SPPL2B: variants seen among roughly 807,000 people sequenced by gnomAD.
SPPL2B encodes signal peptide peptidase like 2B.
A neutral mutation model predicts 59.7 loss-of-function variants in SPPL2B; 39 were observed. The ratio of observed to expected loss-of-function variants is 0.65; its 90% CI spans 0.51 to 0.85. The LOEUF is 0.85. SPPL2B is among the 40% of genes least tolerant of loss of function. The pLI, the probability that SPPL2B is intolerant of heterozygous loss-of-function variation, is 0.00. For synonymous variants in SPPL2B, 419 were observed against 370.8 expected, an observed-to-expected ratio of 1.13 and a Z score of -1.49; for missense variants, 865 against 849.0, an observed-to-expected ratio of 1.02 and a Z score of -0.23.
chr19:2,337,665 G>GGCAGGAGGGGGGT, intron 3 of SPPL2B, 40 bp downstream of exon 3: 7 of 1,500,026 alleles, frequency 4.7e-6, no homozygotes, highest in Non-Finnish European at 6.2e-6. Flanking sequence ...AGCTCTCAGG[G>GGCAGGAGGGGGGT]GCAGGAGGGG....
In SPPL2B at chr19:2,349,757, G is replaced by A. The variant is rs567539772; in HGVS notation, c.1355-1677G>A. Among the ~76,000 whole-genome samples the A allele has an allele frequency of 2.9e-4, 39 of 136,678 alleles. 1 individual carries two copies. The highest frequency in any genetic ancestry group is 5.8e-4 in the Admixed American group (8 of 13,878). 89.7% of individuals were successfully genotyped at this position (136,678 alleles called of 152,430 possible). ...CCGTTCTCTCTCTCCACACACATGCGCTCTCATTTGCTTGATTCCGTTCTC... is the reference window on the plus strand; with the variant it reads ...CCGTTCTCTCTCTCCACACACATGCACTCTCATTTGCTTGATTCCGTTCTC... On this transcript the variant is annotated intron_variant, in intron 13 of 14. Transcript: ENST00000613503.
chr19:2,334,432 A>G (rs1968444679), intron 1 of SPPL2B, among the ~76,000 whole-genome samples, 170 bp from the exon 2 acceptor site: 1 of 152,176 alleles, frequency 6.6e-6, no homozygotes, highest in African/African-American at 2.4e-5. Context: ...TAAACCACGT[A>G]TGGTCACGTC....
At chr19:2,351,645 A>T in intron 14 of SPPL2B, 51 bp downstream of exon 14, 1 of 1,564,088 alleles carries the variant, frequency 6.4e-7, no homozygotes, top group Non-Finnish European at 8.7e-7. Context: ...AGTGAGCCCT[A>T]ACTAGAGTTA....
At chr19:2,344,504 C>A (rs553302272) in intron 11 of SPPL2B, 49 bp from the exon 12 acceptor site, 9 of 1,576,678 alleles carry the variant, frequency 5.7e-6, no homozygotes, top group South Asian at 3.4e-5. Flanking sequence ...AGGCATCCCG[C>A]GGCCGGGTGA....
In SPPL2B at chr19:2,339,107, T is replaced by A. The variant is rs1348914626; in HGVS notation, c.498T>A (p.Pro166=). 4 of 1,575,334 alleles carry A rather than the reference T, an allele frequency of 2.5e-6. No homozygotes were observed. In the African/African-American group the frequency reaches 5.4e-5, roughly 21 times the overall value. The part of the protein sequence containing the change: ...GRTVRAALYA[P]KEPVLDYNMV... ...CGGTGAGGGCGGCGCTGTATGCGCC[T>A]AAGGAGCCGGTGCTGGACTACAACA... Residue 166 remains proline (P), a synonymous_variant, in exon 5 of 15, where the codon CCT becomes CCA. Transcript: ENST00000613503.
At chr19:2,350,271 C>T (rs12985406) in intron 13 of SPPL2B, among the ~76,000 whole-genome samples, 7,905 of 135,080 alleles carry the variant, frequency 0.059, 883 homozygotes, top group African/African-American at 0.21. Context: ...CGCTTGATTC[C>T]GTTCTCTCTC....
chr19:2,340,827 C>T (rs1968984561), intron 7 of SPPL2B, 71 bp from the exon 8 acceptor site: 1 of 941,984 alleles, frequency 1.1e-6, no homozygotes, highest in African/African-American at 1.6e-5. Context: ...TGGGCCGGTC[C>T]CAAGGGTGGT....
chr19:2,343,045 G>T, intron 8 of SPPL2B, 166 bp from the exon 9 acceptor site: 1 of 623,162 alleles, frequency 1.6e-6, no homozygotes, highest in Non-Finnish European at 2.9e-6. Flanking sequence ...TAACAGCAGG[G>T]GTCCTCCCAC....
At chr19:2,345,170 C>G in intron 12 of SPPL2B, 83 bp from the exon 13 acceptor site, 2 of 1,199,186 alleles carry the variant, frequency 1.7e-6, no homozygotes, top group Non-Finnish European at 2.4e-6. Flanking sequence ...CCCACAGGTG[C>G]TCAGGTGCCC....
Position 2,351,592 on chromosome 19 carries a change from G to C in SPPL2B, c.1513G>C (p.Ala505Pro), listed in dbSNP as rs1474464712. ...CGTGTTCTGGACGGGCAGCGGCTTT[G>C]CGGTGAATACCAGTTTGCTCTGACT... ...LGVFWTGSGF[A>P]KVLPPSPWAP... is the part of the protein sequence containing the mutation. Residue 505 changes from alanine (A) to proline (P), a missense_variant and splice_region_variant, in exon 14 of 15, where the codon GCG becomes CCG. By Grantham distance (27) the Ala-to-Pro change is conservative (BLOSUM62 -1). Transcript: ENST00000613503. The C allele has an allele frequency of 1.9e-6, 3 of 1,607,932 alleles. No homozygotes were observed. In the African/African-American group the frequency reaches 4.0e-5, roughly 21 times the overall value.
intron 1 of SPPL2B, among the ~76,000 whole-genome samples, chr19:2,329,329 T>G (rs568043043): frequency 6.6e-6 from 1 of 152,204 alleles, no homozygotes. Context: ...TCCGTGACCT[T>G]GGACGATGGA....
At chr19:2,336,997 G>T (rs112242045) in intron 2 of SPPL2B, 10,120 of 158,562 alleles carry the variant, frequency 0.064, 1,107 homozygotes, top group African/African-American at 0.23. Context: ...CCTGGCTGTG[G>T]GTGTGTGTGT....
chr19:2,351,834 G>A (rs537652204), intron 14 of SPPL2B, among the ~76,000 whole-genome samples: 5 of 149,836 alleles, frequency 3.3e-5, no homozygotes, highest in Non-Finnish European at 5.9e-5. Context: ...CGGGTGGGAC[G>A]CGGGGGTGCC....
intron 2 of SPPL2B, 166 bp from the exon 3 acceptor site, chr19:2,337,276 TG>T: frequency 3.4e-6 from 2 of 581,520 alleles, no homozygotes; most frequent in African/African-American, 1.9e-5. Flanking sequence ...GGTCCGGCTG[TG>T]GGAGCTGCAG....
chr19:2,341,736 A>G (rs1969071419), intron 8 of SPPL2B: 1 of 395,816 alleles, frequency 2.5e-6, no homozygotes, highest in South Asian at 1.7e-5. Flanking sequence ...TCCTTTGTAC[A>G]CAAAGAGAAA....
chr19:2,332,500 C>T lies in SPPL2B; in HGVS notation c.67-2102C>T, dbSNP rs187175620. On this transcript the variant is annotated intron_variant, in intron 1 of 14. Coordinates refer to ENST00000613503, the MANE Select transcript of SPPL2B (RefSeq NM_152988.3). The surrounding 1 kb of genome is among the most constrained non-coding windows in gnomAD (Gnocchi z 4.6). ...CCCGTTTGGTGCGCAGCTCAGCATC[C>T]GTTCAGACATGTGGCTGCCATCCTG... Among the ~76,000 whole-genome samples, 2 of 152,228 alleles carry T rather than the reference C, an allele frequency of 1.3e-5. No homozygotes were observed. The highest frequency in any genetic ancestry group is 2.9e-5 in the Non-Finnish European group (2 of 68,042).
intron 11 of SPPL2B, 40 bp downstream of exon 11, chr19:2,344,464 C>A: frequency 1.9e-6 from 3 of 1,568,956 alleles, no homozygotes; most frequent in East Asian, 2.3e-5. Flanking sequence ...TGCCATGGGT[C>A]AAGGTGTTGC....
Position 2,344,648 on chromosome 19 carries a change from G to T in SPPL2B, c.1272G>T (p.Val424=). ...FSLLGFGDIL[V]PGLLVAYCHR... ...TCCTGGGTTTCGGAGACATTTTGGT[G>T]CCAGGTACTGAGGCGGGTGGAGCAC... Residue 424 remains valine (V), a synonymous_variant, in exon 12 of 15, where the codon GTG becomes GTT. Transcript: ENST00000613503. 1 of 1,605,958 alleles carries T rather than the reference G, an allele frequency of 6.2e-7. No homozygotes were observed. Among genetic ancestry groups the T allele is most frequent in the South Asian group, 1.1e-5 (1 of 90,630 alleles).
intron 10 of SPPL2B, 75 bp downstream of exon 10, chr19:2,344,114 C>T (rs531837979): frequency 4.8e-6 from 4 of 828,770 alleles, no homozygotes; most frequent in Non-Finnish European, 7.2e-6. Context: ...CCCCATCACC[C>T]CCCCCATCAC....
Sources: allele counts gnomAD v4.1 joint callset (sites outside exome capture counted in the v4.1 genomes callset), GRCh38; gene constraint gnomAD v4.1.1; non-coding constraint Gnocchi (gnomAD v3.1); transcripts MANE v1.5; gene names NCBI Gene and HGNC (gene_info 2026-07-23, HGNC 2026-07-21).